Variants in EPM2A observed in about 807,000 individuals in gnomAD.
EPM2A encodes the protein EPM2A glucan phosphatase, laforin, also known as laforin.
Under a neutral mutation model 26.5 loss-of-function variants are expected in EPM2A, and 21 were observed. That is an observed-to-expected ratio of 0.79 (90% CI 0.56 to 1.14). The LOEUF (loss-of-function observed/expected upper bound fraction) is 1.14, where lower values mean the gene tolerates loss of function less well. Ranked by LOEUF, EPM2A falls within the 50% of genes most tolerant of loss-of-function variation. The pLI is 0.00. For synonymous variants in EPM2A, 217 were observed against 177.6 expected (o/e 1.22, Z -1.76); for missense variants, 458 against 440.8 (o/e 1.04, Z -0.35).
At chr6:145,570,182 C>G (rs1248969735) in intron 2 of EPM2A, among the ~76,000 whole-genome samples, 1 of 152,188 alleles carries the variant, frequency 6.6e-6, no homozygotes, top group Non-Finnish European at 1.5e-5. Context: ...GGGACACCCT[C>G]ACAGACACAC....
At chr6:145,659,142 A>G (rs1287603073) in intron 2 of EPM2A, among the ~76,000 whole-genome samples, 2 of 152,162 alleles carry the variant, frequency 1.3e-5, no homozygotes. Flanking sequence ...AGTAAATGTT[A>G]ATCCAAATAT....
At chr6:145,431,316 G>A (rs1444694105) in intron 4 of EPM2A, among the ~76,000 whole-genome samples, 1 of 152,108 alleles carries the variant, frequency 6.6e-6, no homozygotes, top group African/African-American at 2.4e-5. Flanking sequence ...ATCCTGAATG[G>A]ATGAATACCA....
chr6:145,519,720 T>G (rs115697102), intron 2 of EPM2A, among the ~76,000 whole-genome samples: 312 of 152,196 alleles, frequency 2.0e-3, no homozygotes, highest in African/African-American at 6.8e-3. Context: ...TTTTGAAGAT[T>G]GTAAAACTCG....
chr6:145,568,312 G>A (rs1780910822), intron 2 of EPM2A, among the ~76,000 whole-genome samples: 1 of 147,768 alleles, frequency 6.8e-6, no homozygotes, highest in Non-Finnish European at 1.5e-5. Context: ...CAGTAACCCA[G>A]GACATCTGAC....
intron 2 of EPM2A, among the ~76,000 whole-genome samples, chr6:145,616,781 C>T (rs1374095196): frequency 6.6e-6 from 1 of 152,204 alleles, no homozygotes; most frequent in East Asian, 1.9e-4. Flanking sequence ...CACTGGGTAT[C>T]GAACTTGCAT....
At chr6:145,389,911 T>C (rs1778314921) in intron 4 of EPM2A, among the ~76,000 whole-genome samples, 2 of 152,186 alleles carry the variant, frequency 1.3e-5, no homozygotes, top group Non-Finnish European at 2.9e-5. Context: ...ATATCAAACA[T>C]GCAAATATTC....
intron 2 of EPM2A, among the ~76,000 whole-genome samples, chr6:145,507,714 G>T (rs1219065541): frequency 6.6e-6 from 1 of 152,174 alleles, no homozygotes; most frequent in Non-Finnish European, 1.5e-5. Context: ...TAGGAGAAGG[G>T]TTCCCACTGC....
At chr6:145,514,910 A>G (rs1024069668) in intron 2 of EPM2A, among the ~76,000 whole-genome samples, 1 of 152,188 alleles carries the variant, frequency 6.6e-6, no homozygotes, top group African/African-American at 2.4e-5. Flanking sequence ...ACTCCTACCT[A>G]TGTCACCTAG....
intron 1 of EPM2A, among the ~76,000 whole-genome samples, chr6:145,710,594 C>G (rs958883834): frequency 4.6e-5 from 7 of 152,106 alleles, no homozygotes; most frequent in Non-Finnish European, 8.8e-5. Flanking sequence ...CTAGAAATAC[C>G]ATTTGACCCA....
At chr6:145,717,387 T>C (rs1775691134) in intron 1 of EPM2A, among the ~76,000 whole-genome samples, 1 of 152,136 alleles carries the variant, frequency 6.6e-6, no homozygotes. Flanking sequence ...TCTCAATAGA[T>C]GCAGAAAAGG....
chr6:145,463,505 C>T (rs1779351295), intron 4 of EPM2A: 1 of 152,058 alleles, frequency 6.6e-6, no homozygotes, highest in Admixed American at 6.6e-5. Context: ...TGTTTTTAAA[C>T]ACATTTTTTT....
intron 4 of EPM2A, among the ~76,000 whole-genome samples, chr6:145,388,096 T>G (rs1056538821): frequency 6.6e-6 from 1 of 152,172 alleles, no homozygotes; most frequent in African/African-American, 2.4e-5. Flanking sequence ...GTAAATAATA[T>G]AGAGGGGAAT....
At chr6:145,728,552 G>C (rs1006387662) in intron 1 of EPM2A, among the ~76,000 whole-genome samples, 1 of 152,232 alleles carries the variant, frequency 6.6e-6, no homozygotes, top group Non-Finnish European at 1.5e-5. Flanking sequence ...ACTTGAGAAA[G>C]ATGATTTAGG....
chr6:145,645,951 T>C (rs1777430794), intron 2 of EPM2A, among the ~76,000 whole-genome samples: 1 of 152,154 alleles, frequency 6.6e-6, no homozygotes, highest in South Asian at 2.1e-4. Context: ...CTTAATTGTG[T>C]GGAAACCTCA....
chr6:145,615,506 G>A (rs957765417), intron 2 of EPM2A, among the ~76,000 whole-genome samples: 2 of 152,026 alleles, frequency 1.3e-5, no homozygotes, highest in African/African-American at 4.8e-5. Context: ...GTATTAGTAC[G>A]GTAGAGTGGG....
rs1045411589 is a variant in EPM2A at position 145,666,200 on chromosome 6, T to A, written c.476+19922A>T. ...GAAGAAGGAAATAAAGGGTATTCAA[T>A]TAGGAAAAGAGGAAGTCAAATTGTC... On this transcript the variant is annotated intron_variant, in intron 2 of 3. Transcript: ENST00000367519. Among the ~76,000 whole-genome samples the A allele has an allele frequency of 7.9e-5, 9 of 113,210 alleles. No homozygotes were observed. The East Asian group carries it at 9.6e-4, about 12-fold the overall frequency. 74.3% of individuals were successfully genotyped at this position (113,210 alleles called of 152,430 possible). A position where few individuals can be genotyped will look rare whatever the true frequency, so the allele number is the denominator to read the frequency against.
At chr6:145,428,488 T>G (rs182811424) in intron 4 of EPM2A, among the ~76,000 whole-genome samples, 19 of 152,322 alleles carry the variant, frequency 1.2e-4, no homozygotes, top group Non-Finnish European at 2.6e-4. Context: ...GATGGAGCTC[T>G]CTCTCATTCA....
At chr6:145,537,040 G>A (rs1414133180) in intron 2 of EPM2A, among the ~76,000 whole-genome samples, 2 of 152,136 alleles carry the variant, frequency 1.3e-5, no homozygotes, top group Non-Finnish European at 2.9e-5. Flanking sequence ...TTGGTCCTAA[G>A]TTAGATATGA....
At chr6:145,450,892 C>CT (rs199684505) in intron 4 of EPM2A, among the ~76,000 whole-genome samples, 11,732 of 149,476 alleles carry the variant, frequency 0.078, 466 homozygotes, top group Admixed American at 0.097. Flanking sequence ...TATACTTTGT[C>CT]TTTTTTTTTT....
Sources: gnomAD v4.1 joint callset for allele counts (sites outside exome capture counted in the v4.1 genomes callset) on GRCh38, gnomAD v4.1.1 for gene constraint, MANE v1.5 for transcripts, NCBI Gene and HGNC (gene_info 2026-07-23, HGNC 2026-07-21) for gene names.